PPP6R3: variants seen among roughly 807,000 people sequenced by gnomAD.
PPP6R3 encodes the protein protein phosphatase 6 regulatory subunit 3.
PPP6R3 carries 38 observed loss-of-function variants against 110.7 expected under a neutral mutation model. That is an observed-to-expected ratio of 0.34 (90% CI 0.26 to 0.45). The LOEUF is 0.45. PPP6R3 is among the 20% of genes least tolerant of loss of function. The probability of loss-of-function intolerance (pLI) is 1.00; values close to 1 mark genes in which losing one functional copy is unlikely to be tolerated. For synonymous variants in PPP6R3, 369 were observed against 373.5 expected (o/e 0.99, Z 0.14); for missense variants, 870 against 1,062.4 (o/e 0.82, Z 2.52).
intron 1 of PPP6R3, among the ~76,000 whole-genome samples, chr11:68,513,075 G>A (rs2099118615): frequency 6.6e-6 from 1 of 152,014 alleles, no homozygotes; most frequent in Admixed American, 6.6e-5. Flanking sequence ...GCCCCCTTGG[G>A]TCCTGAGGCT....
chr11:68,567,594 C>G (rs1426507680), intron 10 of PPP6R3, among the ~76,000 whole-genome samples: 1 of 152,148 alleles, frequency 6.6e-6, no homozygotes, highest in Non-Finnish European at 1.5e-5. Flanking sequence ...TTCCTTGAGA[C>G]ACAGTTATTA....
chr11:68,599,878 C>T (rs1451690550), intron 19 of PPP6R3, among the ~76,000 whole-genome samples: 2 of 152,114 alleles, frequency 1.3e-5, no homozygotes, highest in Admixed American at 1.3e-4. Context: ...AATCCCAGCA[C>T]TTTGGGAGGC....
chr11:68,593,902 A>G (rs1304451023), intron 18 of PPP6R3, among the ~76,000 whole-genome samples: 1 of 152,078 alleles, frequency 6.6e-6, no homozygotes, highest in Non-Finnish European at 1.5e-5. Flanking sequence ...GCCTGCTGTG[A>G]GGCGAAGCAG....
chr11:68,521,317 G>T (rs973544361), intron 2 of PPP6R3, among the ~76,000 whole-genome samples: 5 of 152,144 alleles, frequency 3.3e-5, no homozygotes, highest in African/African-American at 1.2e-4. Flanking sequence ...ACAAAATAAG[G>T]TATCATTAAT....
intron 13 of PPP6R3, among the ~76,000 whole-genome samples, chr11:68,575,584 G>A (rs886224306): frequency 2.0e-5 from 3 of 152,126 alleles, no homozygotes; most frequent in East Asian, 1.9e-4. Context: ...CCCCCGACAC[G>A]TTAAACACCT....
intron 1 of PPP6R3, among the ~76,000 whole-genome samples, chr11:68,518,298 C>T (rs186469630): frequency 1.3e-5 from 2 of 152,204 alleles, no homozygotes; most frequent in Non-Finnish European, 2.9e-5. Context: ...TTGACATCAT[C>T]TTGTCTCTTT....
chr11:68,499,079 T>C (rs868675579), intron 1 of PPP6R3, among the ~76,000 whole-genome samples: 3 of 152,238 alleles, frequency 2.0e-5, no homozygotes, highest in African/African-American at 4.8e-5. Context: ...GATATCCTTT[T>C]TTATGAAACA....
At chr11:68,605,159 G>A (rs975999795) in intron 22 of PPP6R3, among the ~76,000 whole-genome samples, 4 of 152,256 alleles carry the variant, frequency 2.6e-5, no homozygotes, top group South Asian at 4.1e-4. Flanking sequence ...AGGCAACGTG[G>A]CAAAATCCTG....
intron 1 of PPP6R3, among the ~76,000 whole-genome samples, chr11:68,485,363 G>C (rs887881084): frequency 1.4e-5 from 2 of 139,178 alleles, no homozygotes; most frequent in Non-Finnish European, 3.1e-5. Context: ...TTTCCAATCT[G>C]TATACTTTTT....
chr11:68,519,674 G>A, intron 2 of PPP6R3, 23 bp downstream of exon 2: 1 of 398,444 alleles, frequency 2.5e-6, no homozygotes. Context: ...CGATTAGCAG[G>A]AGTTTCCTTC....
At chr11:68,587,803 C>A in intron 15 of PPP6R3, 124 bp from the exon 16 acceptor site, 1 of 880,210 alleles carries the variant, frequency 1.1e-6, no homozygotes, top group Non-Finnish European at 1.9e-6. Context: ...TTTAGAAAAA[C>A]ACACCAACTT....
intron 23 of PPP6R3, among the ~76,000 whole-genome samples, chr11:68,611,890 G>C (rs576703793): frequency 6.6e-6 from 1 of 152,322 alleles, no homozygotes; most frequent in South Asian, 2.1e-4. Context: ...ACAGTTCCTT[G>C]GATTGGCAGG....
At chr11:68,544,233 T>C (rs1384476479) in intron 3 of PPP6R3, among the ~76,000 whole-genome samples, 1 of 152,050 alleles carries the variant, frequency 6.6e-6, no homozygotes, top group Non-Finnish European at 1.5e-5. Context: ...TAGGACAACA[T>C]TTTTTTTGTA....
chr11:68,560,607 T>G lies in PPP6R3; in HGVS notation c.845+1928T>G, dbSNP rs549148190. On this transcript the variant is annotated intron_variant, in intron 8 of 23. Coordinates refer to ENST00000393800, the MANE Select transcript of PPP6R3 (RefSeq NM_001164161.2). Reference sequence around the variant, plus strand: ...AAACTCCTGGCCTAGATAGGCTCAATTGGTGAAGTCTACCAAAGATGGAAG... The same window carrying G: ...AAACTCCTGGCCTAGATAGGCTCAAGTGGTGAAGTCTACCAAAGATGGAAG... Among the ~76,000 whole-genome samples, 115 of 152,332 alleles carry G rather than the reference T, an allele frequency of 7.5e-4. 1 individual carries two copies. Among genetic ancestry groups the G allele is most frequent in the Non-Finnish European group, 1.2e-3 (85 of 68,026 alleles).
intron 1 of PPP6R3, among the ~76,000 whole-genome samples, chr11:68,471,307 G>T (rs951868510): frequency 6.7e-6 from 1 of 149,604 alleles, no homozygotes; most frequent in African/African-American, 2.5e-5. Context: ...AAAAGAAAAA[G>T]AAATAGGAGT....
intron 2 of PPP6R3, among the ~76,000 whole-genome samples, chr11:68,532,231 G>A (rs1441976417): frequency 6.6e-6 from 1 of 152,198 alleles, no homozygotes; most frequent in Non-Finnish European, 1.5e-5. Flanking sequence ...ATTAAGTAAA[G>A]CAGTTGATCT....
Position 68,583,136 on chromosome 11 carries a change from C to G in PPP6R3, c.1632+7C>G. On this transcript the variant is annotated splice_region_variant and intron_variant, in intron 15 of 23. Coordinates refer to ENST00000393800, the MANE Select transcript of PPP6R3 (RefSeq NM_001164161.2). ...GGATTCTTCTTTGCAGCAAGTGAGTCACGCCTAAAGCTTTGCTTTTTGTTT... is the reference window on the plus strand; with the variant it reads ...GGATTCTTCTTTGCAGCAAGTGAGTGACGCCTAAAGCTTTGCTTTTTGTTT... 1 of 1,524,112 alleles carries G rather than the reference C, an allele frequency of 6.6e-7. No individual in the cohort carries two copies. Among genetic ancestry groups the G allele is most frequent in the African/African-American group, 1.4e-5 (1 of 72,066 alleles). 94.4% of individuals were successfully genotyped at this position (1,524,112 alleles called of 1,614,324 possible).
chr11:68,612,649 T>C (rs1944151072), intron 23 of PPP6R3, among the ~76,000 whole-genome samples: 1 of 151,848 alleles, frequency 6.6e-6, no homozygotes, highest in African/African-American at 2.4e-5. Flanking sequence ...AGTAGCAGAA[T>C]CCTGTTTCCA....
At chr11:68,577,002 G>C (rs2099534242) in intron 14 of PPP6R3, among the ~76,000 whole-genome samples, 1 of 152,176 alleles carries the variant, frequency 6.6e-6, no homozygotes, top group Admixed American at 6.5e-5. Context: ...CCAGACTCCT[G>C]ACAGAGTCAC....
Sources: allele counts gnomAD v4.1 joint callset (sites outside exome capture counted in the v4.1 genomes callset), GRCh38; gene constraint gnomAD v4.1.1; transcripts MANE v1.5; gene names NCBI Gene and HGNC (gene_info 2026-07-23, HGNC 2026-07-21).